The following STIMATE variants were observed in gnomAD, a reference collection of about 807,000 sequenced individuals.
STIMATE encodes the protein store-operated calcium entry regulator STIMATE.
Under a neutral mutation model 36.7 loss-of-function variants are expected in STIMATE, and 15 were observed. The observed-to-expected ratio is 0.41, with a 90% CI of 0.27 to 0.63. The LOEUF is 0.63. Among genes scored for constraint, STIMATE ranks in the 20% least tolerant of loss-of-function variants. The pLI, the probability that STIMATE is intolerant of heterozygous loss-of-function variation, is 0.32. For missense variants in STIMATE, 305 were observed against 397.3 expected (o/e 0.77, Z 1.98); for synonymous variants, 163 against 162.3 (o/e 1.00, Z -0.03).
chr3:52,855,412 G>A lies in STIMATE; in HGVS notation c.193C>T (p.Arg65Cys). 1 of 1,605,586 alleles carries A rather than the reference G, an allele frequency of 6.2e-7. No individual in the cohort carries two copies. Among genetic ancestry groups the A allele is most frequent in the African/African-American group, 1.3e-5 (1 of 74,350 alleles). Reference protein sequence around the residue: ...KRFREPKHERRPWRIWFLDTS... With the variant: ...KRFREPKHERCPWRIWFLDTS... ...AACACATACCATATCCTCCACGGAC[G>A]TCTTTCATGCTTTGGTTCTCTGAAG... The change falls in exon 2 of 8, where the codon CGT (arginine) becomes TGT (cysteine). Residue 65 changes from arginine to cysteine, a missense_variant. By Grantham distance (180) the Arg-to-Cys change is radical. Transcript: ENST00000355083.
rs1287725584 is a variant in STIMATE, at chr3:52,855,408, G to A, written c.197C>T (p.Pro66Leu). Reference sequence around the variant, plus strand: ...CCTAAACACATACCATATCCTCCACGGACGTCTTTCATGCTTTGGTTCTCT... The same window carrying A: ...CCTAAACACATACCATATCCTCCACAGACGTCTTTCATGCTTTGGTTCTCT... ...RFREPKHERR[P>L]WRIWFLDTSK... The change falls in exon 2 of 8, where the codon CCG (proline) becomes CTG (leucine). Residue 66 changes from proline (P) to leucine (L), a missense_variant. Around this residue, in one of 3 missense-constraint regions of STIMATE, gnomAD observed 164 missense variants for 257.9 expected, o/e 0.64. Transcript: ENST00000355083. 3.2e-6 allele frequency: 5 copies of A among 1,558,958 alleles called. No homozygotes were observed. Among genetic ancestry groups the A allele is most frequent in the African/African-American group, 1.4e-5 (1 of 71,424 alleles).
At chr3:52,893,749 C>T (rs1701819706) in intron 1 of STIMATE, among the ~76,000 whole-genome samples, 1 of 152,200 alleles carries the variant, frequency 6.6e-6, no homozygotes, top group Non-Finnish European at 1.5e-5. Flanking sequence ...TGGCTAGGCC[C>T]CATGTCTATA....
intron 1 of STIMATE, among the ~76,000 whole-genome samples, chr3:52,879,912 T>C (rs1414506740): frequency 6.6e-6 from 1 of 152,124 alleles, no homozygotes; most frequent in Non-Finnish European, 1.5e-5. Context: ...CTACATGAAG[T>C]GAGGGGAAGC....
chr3:52,870,820 G>A (rs1039563699), intron 1 of STIMATE, among the ~76,000 whole-genome samples: 2 of 152,086 alleles, frequency 1.3e-5, no homozygotes, highest in African/African-American at 4.8e-5. Flanking sequence ...AGCTGATGAT[G>A]GGAGACCACC....
At chr3:52,874,454 T>C (rs1701464901) in intron 1 of STIMATE, among the ~76,000 whole-genome samples, 1 of 152,200 alleles carries the variant, frequency 6.6e-6, no homozygotes, top group South Asian at 2.1e-4. Context: ...CTATTAACCA[T>C]GGTTAGCTCT....
intron 1 of STIMATE, among the ~76,000 whole-genome samples, chr3:52,870,064 G>A (rs1029557063): frequency 7.3e-5 from 11 of 150,064 alleles, no homozygotes; most frequent in African/African-American, 2.7e-4. Flanking sequence ...AAGTCCACCT[G>A]CAGGAAACAA....
At chr3:52,849,763 C>T (rs367863191) in intron 4 of STIMATE, 29 bp downstream of exon 4, 9 of 1,603,594 alleles carry the variant, frequency 5.6e-6, no homozygotes, top group African/African-American at 4.0e-5. Flanking sequence ...AGTTCCCTCA[C>T]GCCCTGTCCG....
chr3:52,896,995 G>T (rs997084007), intron 1 of STIMATE, among the ~76,000 whole-genome samples: 4 of 152,146 alleles, frequency 2.6e-5, no homozygotes, highest in Non-Finnish European at 5.9e-5. Flanking sequence ...ATTCCAGGCT[G>T]GGAAGTGGGG....
chr3:52,860,581 C>T lies in STIMATE; in HGVS notation c.161-5137G>A, dbSNP rs116337374. Among the ~76,000 whole-genome samples the T allele has an allele frequency of 9.8e-3, 1,490 of 152,138 alleles. 20 individuals carry two copies. The highest frequency in any genetic ancestry group is 0.033 in the African/African-American group (1,379 of 41,488). ...TAGCCACAGCCCAGCAGGCTCCCTC[C>T]AGCTGCTGTGCTGAGAGCAGCCCAC... On this transcript the variant is annotated intron_variant, in intron 1 of 7. Coordinates refer to ENST00000355083, the MANE Select transcript of STIMATE (RefSeq NM_198563.5).
intron 1 of STIMATE, among the ~76,000 whole-genome samples, chr3:52,889,173 G>A (rs1033029510): frequency 3.3e-5 from 5 of 152,186 alleles, no homozygotes; most frequent in Non-Finnish European, 5.9e-5. Context: ...GCACTAAGGC[G>A]ACTTCGATGC....
intron 1 of STIMATE, among the ~76,000 whole-genome samples, chr3:52,890,455 G>A (rs1483434204): frequency 6.6e-6 from 1 of 152,218 alleles, no homozygotes; most frequent in Non-Finnish European, 1.5e-5. Flanking sequence ...TGGCAATGTC[G>A]GGAGACATTT....
rs75753016 is a variant in STIMATE at position 52,858,202 on chromosome 3, G to C, written c.161-2758C>G. Among the ~76,000 whole-genome samples, 2,091 of 152,270 alleles carry C rather than the reference G, an allele frequency of 0.014. 131 individuals carry two copies. The South Asian group carries it at 0.21, about 15-fold the overall frequency. On this transcript the variant is annotated intron_variant, in intron 1 of 7. Transcript: ENST00000355083. Reference sequence around the variant, plus strand: ...CTGAGCAAACGAAAACATGTAGCATGACAATACTGGTGAACCTAGATGAAA... The same window carrying C: ...CTGAGCAAACGAAAACATGTAGCATCACAATACTGGTGAACCTAGATGAAA...
intron 1 of STIMATE, among the ~76,000 whole-genome samples, chr3:52,866,821 T>C (rs953038306): frequency 1.3e-5 from 2 of 152,176 alleles, no homozygotes; most frequent in Non-Finnish European, 2.9e-5. Flanking sequence ...AACACAGGCG[T>C]TGGAAGGGAT....
intron 4 of STIMATE, chr3:52,847,079 ATT>A: frequency 1.5e-5 from 5 of 332,510 alleles, no homozygotes; most frequent in Non-Finnish European, 2.1e-5. Flanking sequence ...ATTAAAAAAA[ATT>A]TTTTTTTTTG....
chr3:52,849,482 C>A (rs1028062207), intron 4 of STIMATE, among the ~76,000 whole-genome samples: 1 of 152,190 alleles, frequency 6.6e-6, no homozygotes, highest in African/African-American at 2.4e-5. Context: ...AGAGTCCCTG[C>A]GGGCCTGTGT....
chr3:52,867,607 G>A (rs142336889), intron 1 of STIMATE, among the ~76,000 whole-genome samples: 136 of 152,364 alleles, frequency 8.9e-4, no homozygotes, highest in African/African-American at 3.2e-3. Flanking sequence ...CTCCCTGATG[G>A]CCTCATTTCT....
At chr3:52,843,459 C>T (rs1578798016) in intron 6 of STIMATE, among the ~76,000 whole-genome samples, 1 of 152,136 alleles carries the variant, frequency 6.6e-6, no homozygotes, top group African/African-American at 2.4e-5. Context: ...ATGGGTGGGG[C>T]TTCTTGGTGG....
intron 1 of STIMATE, among the ~76,000 whole-genome samples, chr3:52,863,637 A>G (rs1170176234): frequency 2.6e-5 from 4 of 152,158 alleles, no homozygotes; most frequent in Non-Finnish European, 5.9e-5. Flanking sequence ...CATTAACCTA[A>G]AAGTCGACAG....
chr3:52,849,435 A>G (rs1023711596), intron 4 of STIMATE, among the ~76,000 whole-genome samples: 1 of 152,232 alleles, frequency 6.6e-6, no homozygotes, highest in Non-Finnish European at 1.5e-5. Flanking sequence ...CCTGGTAGGC[A>G]GGTGATGTGA....
Sources: gnomAD v4.1 joint callset for allele counts (sites outside exome capture counted in the v4.1 genomes callset) on GRCh38, gnomAD v4.1.1 for gene constraint, gnomAD v4.1.1 regional missense constraint, MANE v1.5 for transcripts, NCBI Gene and HGNC (gene_info 2026-07-23, HGNC 2026-07-21) for gene names.